Variants in FN1 observed in about 807,000 individuals in gnomAD.
The protein encoded by FN1 is fibronectin 1, also known as fibronectin.
Under a neutral mutation model 297.3 loss-of-function variants are expected in FN1, and 106 were observed. The observed-to-expected ratio is 0.36, with a 90% CI of 0.30 to 0.42. FN1 has a LOEUF of 0.42. Among genes scored for constraint, FN1 ranks in the 10% least tolerant of loss-of-function variants. FN1 has a pLI of 1.00. For missense variants in FN1, 2,690 were observed against 3,124.9 expected, an observed-to-expected ratio of 0.86 and a Z score of 3.32; for synonymous variants, 1,149 against 1,152.6, an observed-to-expected ratio of 1.00 and a Z score of 0.06.
rs549494446 is a variant in FN1, at chr2:215,403,228, T to G, written c.3253+1161A>C. 4.6e-5 allele frequency among the ~76,000 whole-genome samples: 7 copies of G among 152,344 alleles called. No homozygotes were observed. The East Asian group carries it at 1.2e-3, about 25-fold the overall frequency. On this transcript the variant is annotated intron_variant, in intron 20 of 45. Transcript: ENST00000354785. ...TTGCAAATTAAAAGTGAATTTTACT[T>G]GCTTACGATTAACTATTATTTAGGA... is the stretch of plus-strand genomic sequence containing the variant.
chr2:215,432,137 G>A lies in FN1; in HGVS notation c.416-173C>T, dbSNP rs7567647. On this transcript the variant is annotated intron_variant, in intron 3 of 45. Coordinates refer to ENST00000354785, the MANE Select transcript of FN1 (RefSeq NM_212482.4). ...GGTCTGGTCACTTGGAGTCAATTCA[G>A]TTAAGTGTCTTGCTTAGAACACAAT... 0.22 allele frequency among the ~76,000 whole-genome samples: 33,567 copies of A among 152,078 alleles called. 4,012 individuals are homozygous for A. Among genetic ancestry groups the A allele is most frequent in the Non-Finnish European group, 0.25 (16,797 of 67,958 alleles).
chr2:215,384,718 C>T (rs2058680503), intron 29 of FN1, 142 bp downstream of exon 29: 3 of 672,436 alleles, frequency 4.5e-6, no homozygotes, highest in South Asian at 1.8e-5. Flanking sequence ...CTATATCTTA[C>T]GTATTTTCTT....
chr2:215,388,092 A>G (rs1476535305), intron 27 of FN1, 120 bp downstream of exon 27: 1 of 761,186 alleles, frequency 1.3e-6, no homozygotes, highest in Non-Finnish European at 2.3e-6. Context: ...CTGTGATGAC[A>G]AAGGTACACA....
In FN1 at chr2:215,361,285, T is replaced by C. The variant is rs1434000478; in HGVS notation, c.*270A>G. 5 of 407,816 alleles carry C rather than the reference T, an allele frequency of 1.2e-5. No individual in the cohort carries two copies. The allele number at this position is 407,816 out of a possible 1,614,324, so 25.3% of individuals were successfully genotyped here. A position where few individuals can be genotyped will look rare whatever the true frequency, so the allele number is the denominator to read the frequency against. ...TTTCCTATTGATCCCAAACCAAATC[T>C]TAGAATCACTTCATTTAAAATACTG... On this transcript the variant is annotated 3_prime_UTR_variant, in exon 46 of 46. Transcript: ENST00000354785.
intron 23 of FN1, among the ~76,000 whole-genome samples, chr2:215,396,267 TTTTG>T (rs1162870349): frequency 6.6e-6 from 1 of 152,224 alleles, no homozygotes; most frequent in Non-Finnish European, 1.5e-5. Flanking sequence ...GAACTTTTAT[TTTTG>T]TTTAAGATTT....
intron 13 of FN1, among the ~76,000 whole-genome samples, chr2:215,410,729 A>G (rs2062503859): frequency 6.6e-6 from 1 of 151,872 alleles, no homozygotes; most frequent in Admixed American, 6.6e-5. Flanking sequence ...CTGGTCTCGA[A>G]CTCCCGACCT....
rs1374379170 is a variant in FN1, at chr2:215,425,225, G to A, written c.905C>T (p.Pro302Leu). The change falls in exon 7 of 46, where the codon CCT becomes CTT. Residue 302 changes from proline to leucine, a missense_variant. Physicochemically the swap from Pro to Leu is moderately conservative, Grantham distance 98. Transcript: ENST00000354785. ...TGTGACACAGTGGCCATAGGGAGGA[G>A]GCTGGGGGTGAGGCTGCGGTTGGTA... is the stretch of plus-strand genomic sequence containing the variant. The part of the protein sequence containing the change: ...AVYQPQPHPQ[P>L]PPYGHCVTDS... The A allele has an allele frequency of 6.2e-7, 1 of 1,614,058 alleles. No homozygotes were observed. The highest frequency in any genetic ancestry group is 2.2e-5 in the East Asian group (1 of 44,886).
chr2:215,425,022 T>G (rs1575800230), intron 7 of FN1, 72 bp downstream of exon 7: 1 of 1,352,456 alleles, frequency 7.4e-7, no homozygotes, highest in Middle Eastern at 1.8e-4. Context: ...TGTTTCACAT[T>G]GAAAATGTAT....
At chr2:215,433,489 G>A in intron 2 of FN1, 28 bp from the exon 3 acceptor site, 3 of 1,607,522 alleles carry the variant, frequency 1.9e-6, no homozygotes, top group Non-Finnish European at 2.6e-6. Flanking sequence ...GTCCATGTGA[G>A]CCTCACTTAG....
intron 1 of FN1, 53 bp from the exon 2 acceptor site, chr2:215,434,877 T>C (rs2067191233): frequency 5.0e-6 from 8 of 1,593,618 alleles, no homozygotes; most frequent in Non-Finnish European, 6.0e-6. Flanking sequence ...TTTCCCAAAA[T>C]TATGGAATTT....
At chr2:215,380,342 ATC>A in intron 33 of FN1, 1 of 180,048 alleles carries the variant, frequency 5.6e-6, no homozygotes, top group South Asian at 1.3e-4. Context: ...AGGTGTCTAA[ATC>A]ACAATCATTT....
intron 25 of FN1, 187 bp downstream of exon 25, chr2:215,392,744 T>C (rs1332774777): frequency 7.6e-6 from 5 of 657,730 alleles, no homozygotes; most frequent in Non-Finnish European, 5.5e-6. Flanking sequence ...TACTGAAGAA[T>C]ACTTGCATGT....
chr2:215,388,083 T>C, intron 27 of FN1, 129 bp downstream of exon 27: 4 of 735,240 alleles, frequency 5.4e-6, no homozygotes, highest in Non-Finnish European at 7.3e-6. Flanking sequence ...AAAATCATAC[T>C]GTGATGACAA....
intron 40 of FN1, 78 bp from the exon 41 acceptor site, chr2:215,370,510 C>T: frequency 1.7e-6 from 2 of 1,209,176 alleles, no homozygotes; most frequent in Non-Finnish European, 2.4e-6. Context: ...TTACCAATAA[C>T]CCTCACTGTT....
intron 13 of FN1, among the ~76,000 whole-genome samples, chr2:215,412,954 C>T (rs1245268767): frequency 6.6e-6 from 1 of 152,022 alleles, no homozygotes; most frequent in Non-Finnish European, 1.5e-5. Flanking sequence ...CCGATCGCAT[C>T]ATGCATTAGA....
intron 20 of FN1, among the ~76,000 whole-genome samples, chr2:215,403,998 T>G (rs2061448992): frequency 6.6e-6 from 1 of 152,226 alleles, no homozygotes; most frequent in Non-Finnish European, 1.5e-5. Flanking sequence ...ATTCATTTAA[T>G]GTAATCGAAT....
intron 12 of FN1, among the ~76,000 whole-genome samples, chr2:215,417,217 CAT>C (rs2063552836): frequency 6.6e-6 from 1 of 152,136 alleles, no homozygotes; most frequent in Non-Finnish European, 1.5e-5. Context: ...ACTTAATTGG[CAT>C]ATACTAGCTA....
chr2:215,368,416 C>A lies in FN1; in HGVS notation c.6854-389G>T, dbSNP rs113066747. 5.2e-3 allele frequency among the ~76,000 whole-genome samples: 786 copies of A among 152,306 alleles called. 6 individuals carry two copies. The highest frequency in any genetic ancestry group is 0.018 in the African/African-American group (749 of 41,564). Reference sequence around the variant, plus strand: ...ACCTTGGGCCAGCTATTTAATACCACTCTGCCTTGCTTCCCTCATCTGCAA... The same window carrying A: ...ACCTTGGGCCAGCTATTTAATACCAATCTGCCTTGCTTCCCTCATCTGCAA... On this transcript the variant is annotated intron_variant, in intron 41 of 45. Coordinates refer to ENST00000354785, the MANE Select transcript of FN1 (RefSeq NM_212482.4).
At chr2:215,414,722 TG>T (rs2063187047) in intron 13 of FN1, 114 bp downstream of exon 13, 12 of 1,520,040 alleles carry the variant, frequency 7.9e-6, no homozygotes, top group Non-Finnish European at 1.1e-5. Context: ...ATATAGTAAA[TG>T]CTATAGGAAT....
Sources: gnomAD v4.1 joint callset for allele counts (sites outside exome capture counted in the v4.1 genomes callset) on GRCh38, gnomAD v4.1.1 for gene constraint, MANE v1.5 for transcripts, NCBI Gene and HGNC (gene_info 2026-07-23, HGNC 2026-07-21) for gene names.